Variants in MYO1D observed in about 807,000 individuals in gnomAD.
The protein encoded by MYO1D is myosin ID, also known as unconventional myosin-Id.
In MYO1D, 83 loss-of-function variants were observed where a neutral mutation model predicts 122.0. The observed-to-expected ratio is 0.68, with a 90% CI of 0.57 to 0.82. The LOEUF is 0.82. Among genes scored for constraint, MYO1D ranks in the 40% least tolerant of loss-of-function variants. The probability of loss-of-function intolerance (pLI) is 0.00; values close to 1 mark genes in which losing one functional copy is unlikely to be tolerated. For synonymous variants in MYO1D, 464 were observed against 446.9 expected, an observed-to-expected ratio of 1.04 and a Z score of -0.48; for missense variants, 1,157 against 1,269.5, an observed-to-expected ratio of 0.91 and a Z score of 1.35.
In MYO1D at chr17:32,776,010, T is replaced by C; in HGVS notation, c.418A>G (p.Lys140Glu). The C allele has an allele frequency of 6.2e-7, 1 of 1,613,822 alleles. No homozygotes were observed. The highest frequency in any genetic ancestry group is 8.5e-7 in the Non-Finnish European group (1 of 1,179,848). Residue 140 changes from lysine to glutamate, a missense_variant, in exon 4 of 22, where the codon AAG becomes GAG. By Grantham distance (56) the Lys-to-Glu change is moderately conservative (BLOSUM62 1). Coordinates refer to ENST00000318217, the MANE Select transcript of MYO1D (RefSeq NM_015194.3). ...AAAGCTTCCAAAACACAGTTGGACTTAAGCAACATATTCTTCACTCTTTAA... is the reference window on the plus strand; with the variant it reads ...AAAGCTTCCAAAACACAGTTGGACTCAAGCAACATATTCTTCACTCTTTAA... ...EVERVKNMLL[K>E]SNCVLEAFGN...
At chr17:32,750,639 A>T (rs566212185) in intron 11 of MYO1D, among the ~76,000 whole-genome samples, 1 of 152,238 alleles carries the variant, frequency 6.6e-6, no homozygotes, top group South Asian at 2.1e-4. Context: ...ATAAATAAAT[A>T]AATTTTCCTA....
intron 21 of MYO1D, among the ~76,000 whole-genome samples, chr17:32,521,917 AC>A (rs1330934864): frequency 2.0e-5 from 3 of 151,964 alleles, no homozygotes; most frequent in Admixed American, 1.3e-4. Flanking sequence ...CCCTGTCTCT[AC>A]CAAAAATACA....
intron 20 of MYO1D, among the ~76,000 whole-genome samples, chr17:32,620,432 G>A (rs1327449435): frequency 6.6e-6 from 1 of 152,122 alleles, no homozygotes; most frequent in African/African-American, 2.4e-5. Flanking sequence ...CCCCTTTCTT[G>A]TACTTTTGGC....
chr17:32,750,817 A>G (rs1393994478), intron 11 of MYO1D, among the ~76,000 whole-genome samples: 1 of 152,204 alleles, frequency 6.6e-6, no homozygotes, highest in Admixed American at 6.5e-5. Flanking sequence ...TTCTTTAATA[A>G]TTACTTATCT....
intron 21 of MYO1D, among the ~76,000 whole-genome samples, chr17:32,509,170 C>T (rs763237268): frequency 3.3e-5 from 5 of 152,092 alleles, no homozygotes; most frequent in Non-Finnish European, 7.4e-5. Flanking sequence ...GTACATGTCC[C>T]GGCCTGGTAT....
intron 21 of MYO1D, chr17:32,529,701 T>G (rs1438259068): frequency 6.6e-6 from 1 of 152,302 alleles, no homozygotes; most frequent in Non-Finnish European, 1.5e-5. Flanking sequence ...GCTAATGTGT[T>G]TCTATGGGCT....
intron 11 of MYO1D, among the ~76,000 whole-genome samples, chr17:32,753,396 AAAAT>A (rs1326146823): frequency 1.3e-5 from 2 of 152,166 alleles, no homozygotes; most frequent in African/African-American, 4.8e-5. Context: ...TAAAATAATA[AAAAT>A]AAATAAATAA....
At position 32,856,090 on chromosome 17, in the gene MYO1D, A is replaced by AT. The variant is rs558159879; in HGVS notation, c.95+20687dup. Among the ~76,000 whole-genome samples the AT allele has an allele frequency of 6.4e-3, 965 of 150,312 alleles. 12 individuals are homozygous for AT. Among genetic ancestry groups the AT allele is most frequent in the African/African-American group, 0.021 (871 of 40,788 alleles). On this transcript the variant is annotated intron_variant, in intron 1 of 21. Transcript: ENST00000318217. ...TGCATGCAGATGCTATTCTTGGATG[A>AT]TTTTTTTTTTCTTTTTGAAATAGTA...
intron 16 of MYO1D, among the ~76,000 whole-genome samples, chr17:32,710,896 C>A (rs1188561171): frequency 6.6e-6 from 1 of 152,110 alleles, no homozygotes; most frequent in Non-Finnish European, 1.5e-5. Context: ...ATTAATCTGA[C>A]AAAATTTAGG....
chr17:32,748,967 A>G lies in MYO1D; in HGVS notation c.1507T>C (p.Phe503Leu). The change falls in exon 12 of 22, where the codon TTT becomes CTT. Residue 503 changes from phenylalanine to leucine, a missense_variant. Transcript: ENST00000318217. ...SDKILEFDRD[F>L]RIRHYAGDVV... ...TCGCCTGCATAATGTCGAATTCGAA[A>G]ATCTCGATCAAACTCCAGAATTTTG... 1 of 1,613,972 alleles carries G rather than the reference A, an allele frequency of 6.2e-7. No homozygotes were observed. Among genetic ancestry groups the G allele is most frequent in the Non-Finnish European group, 8.5e-7 (1 of 1,179,858 alleles).
intron 21 of MYO1D, among the ~76,000 whole-genome samples, chr17:32,565,386 C>A (rs1256960316): frequency 6.6e-6 from 1 of 152,212 alleles, no homozygotes; most frequent in Non-Finnish European, 1.5e-5. Context: ...CCTGGCACTG[C>A]TCACTTTTAT....
At chr17:32,547,301 A>G (rs1323209365) in intron 21 of MYO1D, among the ~76,000 whole-genome samples, 1 of 152,216 alleles carries the variant, frequency 6.6e-6, no homozygotes, top group East Asian at 1.9e-4. Context: ...ACCAGCACCT[A>G]ATGAGTACCT....
At chr17:32,505,315 T>C (rs1053063324) in intron 21 of MYO1D, 5 of 152,262 alleles carry the variant, frequency 3.3e-5, no homozygotes, top group African/African-American at 1.2e-4. Flanking sequence ...ACAGGGCTGA[T>C]GAGCCTGGCC....
chr17:32,503,772 C>T (rs1909402821), intron 21 of MYO1D, among the ~76,000 whole-genome samples: 1 of 152,228 alleles, frequency 6.6e-6, no homozygotes, highest in Non-Finnish European at 1.5e-5. Flanking sequence ...ACACTGAGGA[C>T]AACAGCTACT....
At chr17:32,773,804 A>G (rs371088007) in intron 4 of MYO1D, among the ~76,000 whole-genome samples, 8 of 152,240 alleles carry the variant, frequency 5.3e-5, no homozygotes, top group African/African-American at 1.9e-4. Context: ...GGTCTAGACA[A>G]TTATTGTCGT....
intron 1 of MYO1D, among the ~76,000 whole-genome samples, chr17:32,846,933 G>A (rs1038736212): frequency 4.6e-5 from 7 of 152,170 alleles, no homozygotes; most frequent in African/African-American, 1.7e-4. Flanking sequence ...GCTGCAGTAA[G>A]CTATGATCAC....
At chr17:32,697,288 A>C (rs2089185237) in intron 16 of MYO1D, among the ~76,000 whole-genome samples, 1 of 152,226 alleles carries the variant, frequency 6.6e-6, no homozygotes, top group Non-Finnish European at 1.5e-5. Flanking sequence ...CTTTTCCTGC[A>C]TAGCCACATG....
intron 2 of MYO1D, 82 bp from the exon 3 acceptor site, chr17:32,778,655 C>T (rs1024107899): frequency 4.9e-6 from 6 of 1,235,966 alleles, no homozygotes; most frequent in Non-Finnish European, 5.8e-6. Context: ...ATTTAAAAAT[C>T]TGATACTGGT....
At chr17:32,639,633 C>A (rs1427549803) in intron 19 of MYO1D, among the ~76,000 whole-genome samples, 1 of 152,060 alleles carries the variant, frequency 6.6e-6, no homozygotes, top group East Asian at 1.9e-4. Flanking sequence ...AACTCCTGGG[C>A]TCAAGTGATC....
Sources: allele counts gnomAD v4.1 joint callset (sites outside exome capture counted in the v4.1 genomes callset), GRCh38; gene constraint gnomAD v4.1.1; transcripts MANE v1.5; gene names NCBI Gene and HGNC (gene_info 2026-07-23, HGNC 2026-07-21).